NOL4L: variants seen among roughly 807,000 people sequenced by gnomAD.
NOL4L encodes nucleolar protein 4-like.
In NOL4L, 7 loss-of-function variants were observed where a neutral mutation model predicts 64.5. The observed-to-expected ratio is 0.11, with a 90% CI of 0.06 to 0.20. The LOEUF (loss-of-function observed/expected upper bound fraction) is 0.20. NOL4L is among the 10% of genes least tolerant of loss of function. The pLI is 1.00. For missense variants in NOL4L, 680 were observed against 967.1 expected (o/e 0.70, Z 3.94); for synonymous variants, 413 against 401.0 (o/e 1.03, Z -0.36).
At chr20:32,565,464 G>C (rs928673073) in intron 1 of NOL4L, among the ~76,000 whole-genome samples, 1 of 152,200 alleles carries the variant, frequency 6.6e-6, no homozygotes, top group Non-Finnish European at 1.5e-5. Flanking sequence ...GTGCATGCAT[G>C]GGGCTGCTTA....
At chr20:32,548,673 A>G (rs773252835) in intron 1 of NOL4L, 1 of 301,366 alleles carries the variant, frequency 3.3e-6, no homozygotes, top group Non-Finnish European at 6.6e-6. Context: ...CTGTCTGTGG[A>G]GGGCAGTCTG....
At chr20:32,487,217 G>A (rs1023680229) in intron 4 of NOL4L, among the ~76,000 whole-genome samples, 7 of 152,126 alleles carry the variant, frequency 4.6e-5, no homozygotes, top group Admixed American at 1.3e-4. Context: ...GCAGTGAGCC[G>A]AGATCATACC....
intron 10 of NOL4L, among the ~76,000 whole-genome samples, chr20:32,448,441 G>C (rs556213690): frequency 1.2e-4 from 19 of 152,326 alleles, no homozygotes; most frequent in African/African-American, 4.1e-4. Flanking sequence ...TGGTTGTCTG[G>C]GGGGAGAGGT....
chr20:32,497,822 A>C (rs867056027), intron 4 of NOL4L, among the ~76,000 whole-genome samples: 12 of 152,182 alleles, frequency 7.9e-5, no homozygotes, highest in African/African-American at 2.9e-4. Context: ...GAGCTCTGAC[A>C]GGACAGAGCC....
intron 5 of NOL4L, among the ~76,000 whole-genome samples, chr20:32,461,241 AC>A (rs2014017891): frequency 6.6e-6 from 1 of 152,058 alleles, no homozygotes; most frequent in Non-Finnish European, 1.5e-5. Context: ...CCTATGGCTC[AC>A]CCACCCGCCC....
intron 1 of NOL4L, among the ~76,000 whole-genome samples, chr20:32,552,625 T>A (rs932148675): frequency 6.6e-6 from 1 of 151,166 alleles, no homozygotes; most frequent in Non-Finnish European, 1.5e-5. Context: ...AGGCGGAGGT[T>A]GCAGTGAGCC....
chr20:32,556,257 A>C (rs1019784799), intron 1 of NOL4L, among the ~76,000 whole-genome samples: 101 of 137,266 alleles, frequency 7.4e-4, no homozygotes, highest in African/African-American at 2.7e-3. Flanking sequence ...CCTCTTCTTC[A>C]GCAAATATTT....
At chr20:32,542,964 A>G (rs1737071275) in intron 1 of NOL4L, among the ~76,000 whole-genome samples, 1 of 152,210 alleles carries the variant, frequency 6.6e-6, no homozygotes, top group South Asian at 2.1e-4. Context: ...AGGATGCAGG[A>G]AAGCGCTGAG....
At chr20:32,471,131 A>G (rs2014982039) in intron 5 of NOL4L, among the ~76,000 whole-genome samples, 1 of 152,018 alleles carries the variant, frequency 6.6e-6, no homozygotes, top group African/African-American at 2.4e-5. Context: ...ACAAGCAGAC[A>G]CTCACCCCGG....
In NOL4L at chr20:32,499,845, C is replaced by A. The variant is rs546359870; in HGVS notation, c.699+11502G>T. On this transcript the variant is annotated intron_variant, in intron 4 of 10. Coordinates refer to ENST00000621426, the MANE Select transcript of NOL4L (RefSeq NM_001256798.2). ...AAAGCCAACAAAAGAGGAACAATTC[C>A]TACTAGATATTAAAACATATGATAA... Among the ~76,000 whole-genome samples the A allele has an allele frequency of 2.6e-5, 4 of 151,130 alleles. No individual in the cohort carries two copies. The South Asian group carries it at 8.4e-4, about 32-fold the overall frequency.
chr20:32,511,246 T>C (rs2017390542), intron 4 of NOL4L, 101 bp downstream of exon 4: 1 of 708,954 alleles, frequency 1.4e-6, no homozygotes, highest in Non-Finnish European at 2.4e-6. Flanking sequence ...TGATTTCCCG[T>C]GTGTTTACAC....
chr20:32,496,688 C>A (rs2016701606), intron 4 of NOL4L, among the ~76,000 whole-genome samples: 1 of 151,966 alleles, frequency 6.6e-6, no homozygotes, highest in African/African-American at 2.4e-5. Flanking sequence ...GTAGCTGGAA[C>A]TACAGGTGCC....
At chr20:32,519,143 C>T (rs559493739) in intron 3 of NOL4L, among the ~76,000 whole-genome samples, 2 of 152,288 alleles carry the variant, frequency 1.3e-5, no homozygotes, top group African/African-American at 2.4e-5. Flanking sequence ...AACATGGGAA[C>T]CAGCATTTAT....
intron 5 of NOL4L, among the ~76,000 whole-genome samples, chr20:32,465,762 G>A (rs550460391): frequency 1.9e-4 from 29 of 152,326 alleles, no homozygotes; most frequent in African/African-American, 6.0e-4. Flanking sequence ...TCCTTAGGTC[G>A]GAGTGATGAC....
At chr20:32,549,224 C>T (rs1474423880) in intron 1 of NOL4L, among the ~76,000 whole-genome samples, 1 of 152,094 alleles carries the variant, frequency 6.6e-6, no homozygotes, top group Non-Finnish European at 1.5e-5. Context: ...TGATAAGGGA[C>T]TTGTATCTAG....
At chr20:32,495,257 G>C (rs989502589) in intron 4 of NOL4L, among the ~76,000 whole-genome samples, 1 of 152,222 alleles carries the variant, frequency 6.6e-6, no homozygotes, top group Non-Finnish European at 1.5e-5. Flanking sequence ...GAGGTATTTA[G>C]AGCCATTCTA....
intron 5 of NOL4L, among the ~76,000 whole-genome samples, chr20:32,457,524 G>A (rs1295881981): frequency 2.7e-5 from 4 of 146,224 alleles, no homozygotes; most frequent in Admixed American, 1.4e-4. Flanking sequence ...CACTGGGCAC[G>A]CGCACCTCCA....
chr20:32,481,404 G>A (rs897073844), intron 4 of NOL4L, among the ~76,000 whole-genome samples: 1 of 152,148 alleles, frequency 6.6e-6, no homozygotes, highest in South Asian at 2.1e-4. Flanking sequence ...TCCCCTGCAG[G>A]GCTGTCCTTC....
rs117280080 is a variant in NOL4L at position 32,491,144 on chromosome 20, C to T, written c.700-16402G>A. Reference sequence around the variant, plus strand: ...GGTTGACCATAGGGAGCCTCCAGGCCAGCAGGGGAGAGAGAGATTAAACAA... The same window carrying T: ...GGTTGACCATAGGGAGCCTCCAGGCTAGCAGGGGAGAGAGAGATTAAACAA... On this transcript the variant is annotated intron_variant, in intron 4 of 10. Coordinates refer to ENST00000621426, the MANE Select transcript of NOL4L (RefSeq NM_001256798.2). Among the ~76,000 whole-genome samples, 239 of 152,298 alleles carry T rather than the reference C, an allele frequency of 1.6e-3. 5 individuals are homozygous for T. The East Asian group carries it at 0.041, about 26-fold the overall frequency.
Sources: allele counts gnomAD v4.1 joint callset (sites outside exome capture counted in the v4.1 genomes callset), GRCh38; gene constraint gnomAD v4.1.1; transcripts MANE v1.5; gene names NCBI Gene and HGNC (gene_info 2026-07-23, HGNC 2026-07-21).